Variants in TULP4 observed in about 807,000 individuals in gnomAD.
TULP4 encodes TUB like protein 4.
Under a neutral mutation model 129.0 loss-of-function variants are expected in TULP4, and 16 were observed. That is an observed-to-expected ratio of 0.12 (90% CI 0.08 to 0.19). TULP4 has a LOEUF of 0.19. Among genes scored for constraint, TULP4 ranks in the 10% least tolerant of loss-of-function variants. The pLI is 1.00. For missense variants in TULP4, 1,842 were observed against 2,059.1 expected (o/e 0.89, Z 2.04); for synonymous variants, 998 against 854.0 (o/e 1.17, Z -2.94).
At chr6:158,480,130 C>G (rs1304560071) in intron 7 of TULP4, among the ~76,000 whole-genome samples, 155 bp downstream of exon 7, 1 of 152,192 alleles carries the variant, frequency 6.6e-6, no homozygotes. Context: ...TGCAGTCTGT[C>G]GAAGCATCAT....
In TULP4 at chr6:158,351,102, T is replaced by C. The variant is rs562798360; in HGVS notation, c.252+36834T>C. 4.1e-4 allele frequency among the ~76,000 whole-genome samples: 63 copies of C among 152,296 alleles called. 1 individual carries two copies. The highest frequency in any genetic ancestry group is 1.5e-3 in the African/African-American group (62 of 41,564). On this transcript the variant is annotated intron_variant, in intron 1 of 13. Transcript: ENST00000367097. ...TGTGTATGCTTTCACAGAGTTCAAATGGGTGCGAACTTGTCCCTGGATACT... is the reference window on the plus strand; with the variant it reads ...TGTGTATGCTTTCACAGAGTTCAAACGGGTGCGAACTTGTCCCTGGATACT...
At chr6:158,388,396 C>T (rs1411444450) in intron 1 of TULP4, among the ~76,000 whole-genome samples, 1 of 118,698 alleles carries the variant, frequency 8.4e-6, no homozygotes, top group African/African-American at 3.3e-5. Context: ...GTGGGGTGAT[C>T]TCAACACACT....
Position 158,501,957 on chromosome 6 carries a change from G to C in TULP4, c.2294G>C (p.Arg765Pro). The C allele has an allele frequency of 6.2e-7, 1 of 1,613,876 alleles. No individual in the cohort carries two copies. The highest frequency in any genetic ancestry group is 8.5e-7 in the Non-Finnish European group (1 of 1,179,980). ...QVIFGSVEMG[R>P]IIQNPPPLSL... ...ATTTTCGGAAGCGTGGAAATGGGCC[G>C]CATCATTCAGAACCCCCCTCCACTG... The change falls in exon 13 of 14, where the codon CGC becomes CCC. Residue 765 changes from arginine to proline, a missense_variant. Physicochemically the swap from Arg to Pro is moderately radical, Grantham distance 103. Around this residue, in one of 5 missense-constraint regions of TULP4, gnomAD observed 1,089 missense variants for 987.1 expected, o/e 1.10. Coordinates refer to ENST00000367097, the MANE Select transcript of TULP4 (RefSeq NM_020245.5).
In TULP4 at chr6:158,506,747, C is replaced by T. The variant is rs1235876021; in HGVS notation, c.*53C>T. On this transcript the variant is annotated 3_prime_UTR_variant, in exon 14 of 14. Coordinates refer to ENST00000367097, the MANE Select transcript of TULP4 (RefSeq NM_020245.5). ...GCAGAGAGCCTTTGGAAGAGGTCTTCGGAGATGCCAGAGGAGCCCTCTAGG... is the reference window on the plus strand; with the variant it reads ...GCAGAGAGCCTTTGGAAGAGGTCTTTGGAGATGCCAGAGGAGCCCTCTAGG... The T allele has an allele frequency of 5.4e-6, 7 of 1,297,120 alleles. No individual in the cohort carries two copies. Among genetic ancestry groups the T allele is most frequent in the East Asian group, 4.6e-5 (2 of 43,488 alleles). 80.4% of individuals were successfully genotyped at this position (1,297,120 alleles called of 1,614,324 possible). A position where few individuals can be genotyped will look rare whatever the true frequency, so the allele number is the denominator to read the frequency against.
chr6:158,240,990 C>G (rs546280432), intron 1 of TULP4, among the ~76,000 whole-genome samples: 5 of 137,228 alleles, frequency 3.6e-5, no homozygotes, highest in Non-Finnish European at 8.1e-5. Context: ...ACTTCTCAGA[C>G]GGGGTGGTTG....
upstream of TULP4, among the ~76,000 whole-genome samples, chr6:158,309,856 C>G (rs1180450231): frequency 1.6e-5 from 2 of 127,524 alleles, no homozygotes; most frequent in Non-Finnish European, 3.2e-5. Context: ...CCAGCTTCGG[C>G]TTGGCATCAG....
At chr6:158,266,828 A>G (rs1329992511) in intron 1 of TULP4, among the ~76,000 whole-genome samples, 1 of 152,114 alleles carries the variant, frequency 6.6e-6, no homozygotes, top group Non-Finnish European at 1.5e-5. Context: ...ACCAACCCCC[A>G]TCGATATTGA....
chr6:158,446,303 G>A (rs1370563203), intron 3 of TULP4, among the ~76,000 whole-genome samples: 3 of 152,054 alleles, frequency 2.0e-5, no homozygotes, highest in Admixed American at 6.6e-5. Flanking sequence ...TCAGTGCTGC[G>A]TTTCCCATTT....
chr6:158,323,554 C>T (rs1033549531), intron 1 of TULP4, among the ~76,000 whole-genome samples: 1 of 152,090 alleles, frequency 6.6e-6, no homozygotes, highest in African/African-American at 2.4e-5. Flanking sequence ...ACCTTGTTTC[C>T]TTCCTAGGTA....
chr6:158,354,169 T>C (rs1430176991), intron 1 of TULP4, among the ~76,000 whole-genome samples: 1 of 152,174 alleles, frequency 6.6e-6, no homozygotes, highest in African/African-American at 2.4e-5. Context: ...ACTAGAGGAT[T>C]GTGTCTTTAT....
At chr6:158,489,508 T>C (rs1314523425) in intron 8 of TULP4, 80 bp from the exon 9 acceptor site, 1 of 1,559,486 alleles carries the variant, frequency 6.4e-7, no homozygotes, top group Non-Finnish European at 8.8e-7. Context: ...TCCGTCTGTC[T>C]TTTAGTTTAT....
intron 3 of TULP4, among the ~76,000 whole-genome samples, chr6:158,441,419 A>G (rs189399075): frequency 6.6e-6 from 1 of 152,298 alleles, no homozygotes; most frequent in East Asian, 1.9e-4. Context: ...ATGCAACGTT[A>G]GATTTTCTTC....
intron 11 of TULP4, 137 bp from the exon 12 acceptor site, chr6:158,498,532 C>A: frequency 9.4e-7 from 1 of 1,059,240 alleles, no homozygotes; most frequent in Non-Finnish European, 1.4e-6. Flanking sequence ...TCCTCTCAGC[C>A]TCTGGGCCCT....
intron 1 of TULP4, among the ~76,000 whole-genome samples, chr6:158,251,919 G>A (rs1778147649): frequency 6.6e-6 from 1 of 152,208 alleles, no homozygotes; most frequent in Admixed American, 6.5e-5. Flanking sequence ...GAAGATTTTG[G>A]TTAGGAATAG....
chr6:158,308,964 C>T (rs1215831471), upstream of TULP4, among the ~76,000 whole-genome samples: 12 of 144,374 alleles, frequency 8.3e-5, no homozygotes, highest in Non-Finnish European at 1.2e-4. Context: ...CCGGACGGGG[C>T]GGCTGGCCGG....
rs569967214 is a variant in TULP4, at chr6:158,245,202, C to T, written n.68+12899C>T. ...TAGGGATGAAGCCTCACTATGTTGC[C>T]CAGGCTGGTCTTGAACTCCTGGGCT... On this transcript the variant is annotated intron_variant and non_coding_transcript_variant, in intron 1 of 1. Coordinates refer to the TULP4 transcript ENST00000620026. 7.9e-5 allele frequency among the ~76,000 whole-genome samples: 12 copies of T among 151,450 alleles called. No homozygotes were observed. The South Asian group carries it at 2.5e-3, about 32-fold the overall frequency.
chr6:158,441,863 C>T (rs1778906114), intron 3 of TULP4, among the ~76,000 whole-genome samples: 1 of 152,224 alleles, frequency 6.6e-6, no homozygotes, highest in African/African-American at 2.4e-5. Context: ...TCTTACGTTC[C>T]TGCCTGAGAG....
chr6:158,247,048 TATA>T (rs1778043235), intron 1 of TULP4, among the ~76,000 whole-genome samples: 1 of 152,232 alleles, frequency 6.6e-6, no homozygotes. Context: ...AGATACACAC[TATA>T]ATGTAAGATA....
At chr6:158,331,400 A>G (rs2128492050) in intron 1 of TULP4, among the ~76,000 whole-genome samples, 1 of 152,044 alleles carries the variant, frequency 6.6e-6, no homozygotes, top group African/African-American at 2.4e-5. Flanking sequence ...TTTGGATTCA[A>G]ATTTGGTCAA....
Sources: gnomAD v4.1 joint callset for allele counts (sites outside exome capture counted in the v4.1 genomes callset) on GRCh38, gnomAD v4.1.1 for gene constraint, gnomAD v4.1.1 regional missense constraint, MANE v1.5 for transcripts, NCBI Gene and HGNC (gene_info 2026-07-23, HGNC 2026-07-21) for gene names.